The following PPP4R4 variants were observed in gnomAD, a reference collection of about 807,000 sequenced individuals.
PPP4R4 encodes the protein serine/threonine-protein phosphatase 4 regulatory subunit 4.
Under a neutral mutation model 121.8 loss-of-function variants are expected in PPP4R4, and 70 were observed. The observed-to-expected ratio is 0.57, with a 90% CI of 0.47 to 0.70. The LOEUF is 0.70. PPP4R4 is among the 30% of genes least tolerant of loss of function. The pLI is 0.00. For missense variants in PPP4R4, 875 were observed against 1,033.6 expected (o/e 0.85, Z 2.10); for synonymous variants, 348 against 355.7 (o/e 0.98, Z 0.24).
intron 2 of PPP4R4, among the ~76,000 whole-genome samples, chr14:94,202,742 G>C (rs1281531785): frequency 6.6e-6 from 1 of 152,196 alleles, no homozygotes; most frequent in Non-Finnish European, 1.5e-5. Flanking sequence ...ACTTTGGGAG[G>C]CTGAAGCAGG....
rs1894585415 is a variant in PPP4R4, at chr14:94,275,457, A to G, written c.2533A>G (p.Thr845Ala). The G allele has an allele frequency of 6.2e-7, 1 of 1,614,062 alleles. No homozygotes were observed. The highest frequency in any genetic ancestry group is 8.5e-7 in the Non-Finnish European group (1 of 1,179,962). ...TCCCTTACCGAGTACTTCCCGTGGG[A>G]CAGGTAACTCAGTTGACCCCAAGAG... Reference protein sequence around the residue: ...NTPLPSTSRGTGNSVDPKSSG... With the variant: ...NTPLPSTSRGAGNSVDPKSSG... The change falls in exon 24 of 25, where the codon ACA becomes GCA. Residue 845 changes from threonine (T) to alanine (A), a missense_variant. Thr to Ala is a moderately conservative substitution (Grantham distance 58). Transcript: ENST00000304338.
intron 16 of PPP4R4, among the ~76,000 whole-genome samples, chr14:94,253,291 C>G (rs987593790): frequency 2.6e-5 from 4 of 152,130 alleles, no homozygotes; most frequent in Non-Finnish European, 5.9e-5. Context: ...GAAACCCCAT[C>G]TCTACTAAAA....
chr14:94,196,743 C>T (rs191013588), intron 2 of PPP4R4, among the ~76,000 whole-genome samples: 4 of 151,648 alleles, frequency 2.6e-5, no homozygotes, highest in Admixed American at 2.6e-4. Flanking sequence ...TAATTCTTTC[C>T]TGAGTTCTAT....
At chr14:94,230,880 A>AGCTAT in intron 4 of PPP4R4, 146 bp downstream of exon 4, 1 of 912,196 alleles carries the variant, frequency 1.1e-6, no homozygotes, top group Non-Finnish European at 1.6e-6. Context: ...GACTTAAAAT[A>AGCTAT]GCTATGGCTG....
intron 3 of PPP4R4, among the ~76,000 whole-genome samples, chr14:94,223,070 A>G (rs1190771689): frequency 6.6e-6 from 1 of 151,998 alleles, no homozygotes; most frequent in Non-Finnish European, 1.5e-5. Context: ...TAGCTTTTTA[A>G]AATCTGCCAT....
At chr14:94,259,044 C>G (rs770624114) in intron 18 of PPP4R4, among the ~76,000 whole-genome samples, 4 of 152,136 alleles carry the variant, frequency 2.6e-5, no homozygotes, top group Non-Finnish European at 5.9e-5. Flanking sequence ...GGGAAACTCC[C>G]CCTTACAATA....
At chr14:94,256,140 G>GT (rs1893459786) in intron 16 of PPP4R4, among the ~76,000 whole-genome samples, 1 of 151,998 alleles carries the variant, frequency 6.6e-6, no homozygotes, top group Non-Finnish European at 1.5e-5. Context: ...CCTGCCCCTG[G>GT]TACTCCCTTG....
chr14:94,251,057 CTTATT>C (rs1490124610), intron 15 of PPP4R4, among the ~76,000 whole-genome samples: 1 of 151,770 alleles, frequency 6.6e-6, no homozygotes, highest in African/African-American at 2.4e-5. Context: ...TTTTTATAGT[CTTATT>C]TTAATTCGGT....
chr14:94,178,983 G>A (rs1055633836), intron 2 of PPP4R4, among the ~76,000 whole-genome samples: 1 of 152,134 alleles, frequency 6.6e-6, no homozygotes, highest in Non-Finnish European at 1.5e-5. Flanking sequence ...CTGAAGGCTG[G>A]CATTCAGAAT....
intron 2 of PPP4R4, among the ~76,000 whole-genome samples, chr14:94,192,584 G>C (rs1040685163): frequency 2.0e-5 from 3 of 152,150 alleles, no homozygotes; most frequent in Non-Finnish European, 4.4e-5. Flanking sequence ...AGTATCAGCA[G>C]CTTATGAGTT....
chr14:94,263,953 C>T (rs1283935483), intron 19 of PPP4R4, among the ~76,000 whole-genome samples: 1 of 152,076 alleles, frequency 6.6e-6, no homozygotes, highest in African/African-American at 2.4e-5. Flanking sequence ...TCTAGCATGT[C>T]AGTTATACCA....
chr14:94,234,433 C>A, intron 6 of PPP4R4, 129 bp from the exon 7 acceptor site: 1 of 618,644 alleles, frequency 1.6e-6, no homozygotes, highest in Non-Finnish European at 2.8e-6. Context: ...ACCTTGTAAA[C>A]TATTATTTTT....
intron 2 of PPP4R4, among the ~76,000 whole-genome samples, chr14:94,204,378 A>C (rs1302585539): frequency 6.6e-6 from 1 of 151,988 alleles, no homozygotes; most frequent in Non-Finnish European, 1.5e-5. Flanking sequence ...TGTTGCCAAA[A>C]ATCAGTTGGG....
Position 94,223,260 on chromosome 14 carries a change from G to A in PPP4R4, c.295-7327G>A, listed in dbSNP as rs147345793. Among the ~76,000 whole-genome samples the A allele has an allele frequency of 4.2e-3, 641 of 152,130 alleles. 4 individuals are homozygous for A. Among genetic ancestry groups the A allele is most frequent in the African/African-American group, 0.014 (601 of 41,486 alleles). ...TGTTGATATTATTGATTATGTGCTT[G>A]GTCTTGTATTTGACAAATTATTTGT... On this transcript the variant is annotated intron_variant, in intron 3 of 24. Coordinates refer to ENST00000304338, the MANE Select transcript of PPP4R4 (RefSeq NM_058237.2).
intron 13 of PPP4R4, 33 bp downstream of exon 13, chr14:94,245,703 G>T (rs758920265): frequency 4.1e-5 from 59 of 1,446,078 alleles, no homozygotes; most frequent in Admixed American, 1.8e-4. Context: ...ATTCTGAGTT[G>T]TGTAAATATT....
intron 14 of PPP4R4, 21 bp downstream of exon 14, chr14:94,246,560 C>T (rs768183900): frequency 2.6e-5 from 42 of 1,586,146 alleles, no homozygotes; most frequent in Non-Finnish European, 2.7e-5. Flanking sequence ...TACCTTTCAT[C>T]TTATTCTTTT....
intron 24 of PPP4R4, among the ~76,000 whole-genome samples, chr14:94,278,343 G>A (rs1287428742): frequency 6.6e-6 from 1 of 151,892 alleles, no homozygotes; most frequent in African/African-American, 2.4e-5. Flanking sequence ...AAAAATGTAG[G>A]AAAAATATGA....
intron 3 of PPP4R4, among the ~76,000 whole-genome samples, chr14:94,223,332 A>G (rs188630487): frequency 6.6e-5 from 10 of 152,278 alleles, no homozygotes; most frequent in African/African-American, 1.9e-4. Context: ...TGGAAGGAAT[A>G]TATTTTCTTC....
intron 19 of PPP4R4, 56 bp from the exon 20 acceptor site, chr14:94,264,822 A>C (rs924323821): frequency 7.5e-7 from 1 of 1,334,378 alleles, no homozygotes; most frequent in African/African-American, 1.5e-5. Flanking sequence ...TCTCAGAACA[A>C]TTTTCTAGAC....
Sources: gnomAD v4.1 joint callset for allele counts (sites outside exome capture counted in the v4.1 genomes callset) on GRCh38, gnomAD v4.1.1 for gene constraint, MANE v1.5 for transcripts, NCBI Gene and HGNC (gene_info 2026-07-23, HGNC 2026-07-21) for gene names.